RUNX1: variants seen among roughly 807,000 people sequenced by gnomAD.
The protein encoded by RUNX1 is runt-related transcription factor 1.
Under a neutral mutation model 42.8 loss-of-function variants are expected in RUNX1, and 19 were observed. The ratio of observed to expected loss-of-function variants is 0.44; its 90% CI spans 0.31 to 0.65. The LOEUF (loss-of-function observed/expected upper bound fraction) is 0.65, where lower values mean the gene tolerates loss of function less well. Ranked by LOEUF, RUNX1 falls within the 30% of genes least tolerant of loss-of-function variation. RUNX1 has a pLI of 0.07. For missense variants in RUNX1, 528 were observed against 672.0 expected, an observed-to-expected ratio of 0.79 and a Z score of 2.37; for synonymous variants, 271 against 289.4, an observed-to-expected ratio of 0.94 and a Z score of 0.64.
chr21:35,022,548 C>A (rs1337413825), intron 2 of RUNX1, among the ~76,000 whole-genome samples: 1 of 152,172 alleles, frequency 6.6e-6, no homozygotes, highest in African/African-American at 2.4e-5. Flanking sequence ...AGCATTTCCA[C>A]CATTTAGAGA....
chr21:34,963,144 C>G (rs1377326768), intron 2 of RUNX1, among the ~76,000 whole-genome samples: 2 of 152,200 alleles, frequency 1.3e-5, no homozygotes, highest in Non-Finnish European at 2.9e-5. Context: ...CTCAGCCCAG[C>G]AGGCAGCACA....
Position 34,792,697 on chromosome 21 carries a change from G to T in RUNX1, c.968-87C>A. On this transcript the variant is annotated intron_variant, in intron 8 of 8. Coordinates refer to ENST00000675419, the MANE Select transcript of RUNX1 (RefSeq NM_001754.5). This position sits in a 1 kb window ranked among gnomAD's most constrained non-coding sequence, Gnocchi z 6.9. ...TCCCTCTGCCCCAGGGGGCTACCCA[G>T]GATGATACCGCCTAGGAGGATGGGA... 1 of 1,310,916 alleles carries T rather than the reference G, an allele frequency of 7.6e-7. No homozygotes were observed. Among genetic ancestry groups the T allele is most frequent in the Non-Finnish European group, 1.0e-6 (1 of 962,900 alleles). The allele number at this position is 1,310,916 out of a possible 1,614,324, so 81.2% of individuals were successfully genotyped here.
At chr21:34,808,416 C>A (rs527645596) in intron 7 of RUNX1, among the ~76,000 whole-genome samples, 2 of 152,308 alleles carry the variant, frequency 1.3e-5, no homozygotes, top group South Asian at 4.2e-4. Flanking sequence ...CTCTCCACCA[C>A]TCCCTGCTTC....
In RUNX1 at chr21:34,861,298, T is replaced by A. The variant is rs562118515; in HGVS notation, c.509-1720A>T. 3.3e-5 allele frequency among the ~76,000 whole-genome samples: 5 copies of A among 152,256 alleles called. No homozygotes were observed. In the South Asian group the frequency reaches 8.3e-4, roughly 25 times the overall value. On this transcript the variant is annotated intron_variant, in intron 5 of 8. Transcript: ENST00000675419. Reference sequence around the variant, plus strand: ...CAGGCCCAGCAAGCAGGGTATGTGATGTGATGTGGAGGAAGATGCTGCCGC... The same window carrying A: ...CAGGCCCAGCAAGCAGGGTATGTGAAGTGATGTGGAGGAAGATGCTGCCGC...
At chr21:35,023,522 C>A (rs1215182546) in intron 2 of RUNX1, among the ~76,000 whole-genome samples, 1 of 152,218 alleles carries the variant, frequency 6.6e-6, no homozygotes, top group African/African-American at 2.4e-5. Flanking sequence ...ATGACTGTCT[C>A]CTCCCTAGCC....
chr21:35,048,754 C>CATCTCTGCACCGAGGT, intron 2 of RUNX1, 88 bp downstream of exon 2: 1 of 1,085,718 alleles, frequency 9.2e-7, no homozygotes, highest in Admixed American at 1.7e-5. Context: ...GGCACCGAGG[C>CATCTCTGCACCGAGGT]ATCTCTGCAC....
chr21:34,875,350 C>T (rs1193122116), intron 5 of RUNX1, among the ~76,000 whole-genome samples: 1 of 152,194 alleles, frequency 6.6e-6, no homozygotes, highest in African/African-American at 2.4e-5. Flanking sequence ...AAGCTTTTGA[C>T]CTGCCCGTCG....
intron 3 of RUNX1, chr21:34,889,705 C>T: frequency 8.4e-7 from 1 of 1,186,242 alleles, no homozygotes; most frequent in Non-Finnish European, 1.1e-6. Flanking sequence ...CGGCCGCTTC[C>T]CCCTGCGCCG....
At chr21:34,876,538 C>T (rs1339516456) in intron 5 of RUNX1, among the ~76,000 whole-genome samples, 3 of 152,078 alleles carry the variant, frequency 2.0e-5, no homozygotes, top group Non-Finnish European at 2.9e-5. Context: ...AAATGATATA[C>T]GTAATTCTGT....
At chr21:34,957,390 C>G (rs1222586222) in intron 2 of RUNX1, among the ~76,000 whole-genome samples, 1 of 152,184 alleles carries the variant, frequency 6.6e-6, no homozygotes, top group Non-Finnish European at 1.5e-5. Context: ...GTGCCCTTAC[C>G]TGGGGCAAGC....
intron 2 of RUNX1, among the ~76,000 whole-genome samples, chr21:34,937,077 G>A (rs1009433075): frequency 6.6e-6 from 1 of 152,038 alleles, no homozygotes; most frequent in African/African-American, 2.4e-5. Flanking sequence ...ACAGAGGCCT[G>A]GCCTGAAGCA....
intron 2 of RUNX1, among the ~76,000 whole-genome samples, chr21:35,024,353 T>C (rs1055269392): frequency 1.3e-5 from 2 of 152,222 alleles, no homozygotes; most frequent in African/African-American, 2.4e-5. Flanking sequence ...GAAGATGCCA[T>C]GCCAATCTAC....
chr21:34,791,931 AC>A lies in RUNX1; in HGVS notation c.*203del. Reference sequence around the variant, plus strand: ...TCCGCGAGGGCCGGGGCGCCAGCAGACGGCGGCGGCGTGGGCTTCTGGGCGC... The same window carrying A: ...TCCGCGAGGGCCGGGGCGCCAGCAGAGGCGGCGGCGTGGGCTTCTGGGCGC... On this transcript the variant is annotated 3_prime_UTR_variant, in exon 9 of 9. Transcript: ENST00000675419. 1 of 334,216 alleles carries A rather than the reference AC, an allele frequency of 3.0e-6. No individual in the cohort carries two copies. The highest frequency in any genetic ancestry group is 5.6e-6 in the Non-Finnish European group (1 of 177,638). 20.7% of individuals were successfully genotyped at this position (334,216 alleles called of 1,614,324 possible).
intron 2 of RUNX1, among the ~76,000 whole-genome samples, chr21:34,929,345 G>A (rs544959100): frequency 1.3e-5 from 2 of 152,138 alleles, no homozygotes; most frequent in Non-Finnish European, 2.9e-5. Flanking sequence ...GAAATAGCAT[G>A]GCTTTGATAA....
intron 6 of RUNX1, among the ~76,000 whole-genome samples, chr21:34,852,201 A>G (rs1053081032): frequency 1.1e-4 from 16 of 150,896 alleles, no homozygotes; most frequent in Non-Finnish European, 1.9e-4. Flanking sequence ...AAACAAAACA[A>G]CAACCACACA....
chr21:34,901,170 G>C lies in RUNX1; in HGVS notation c.59-8207C>G, dbSNP rs968775382. On this transcript the variant is annotated intron_variant, in intron 2 of 8. Transcript: ENST00000675419. The surrounding 1 kb of genome is among the most constrained non-coding windows in gnomAD (Gnocchi z 4.3). ...CCTACTTGCCTGTGTTGGTTCTTAA[G>C]GGGCTGCTGGGAACCCCTGAAGGTC... is the stretch of plus-strand genomic sequence containing the variant. Among the ~76,000 whole-genome samples the C allele has an allele frequency of 6.6e-6, 1 of 152,010 alleles. No individual in the cohort carries two copies. The highest frequency in any genetic ancestry group is 1.5e-5 in the Non-Finnish European group (1 of 68,000).
intron 2 of RUNX1, among the ~76,000 whole-genome samples, chr21:34,917,665 A>G (rs2058321818): frequency 6.6e-6 from 1 of 152,206 alleles, no homozygotes; most frequent in East Asian, 1.9e-4. Flanking sequence ...ACATAAAGAA[A>G]GCAAGCGAGA....
chr21:34,932,599 T>C (rs967387940), intron 2 of RUNX1, among the ~76,000 whole-genome samples: 1 of 152,226 alleles, frequency 6.6e-6, no homozygotes, highest in Non-Finnish European at 1.5e-5. Context: ...TGTGATACAA[T>C]GTATCATTGA....
chr21:34,872,942 G>C (rs184803128), intron 5 of RUNX1, among the ~76,000 whole-genome samples: 99 of 152,308 alleles, frequency 6.5e-4, no homozygotes, highest in African/African-American at 2.4e-3. Flanking sequence ...AGGGAGACAA[G>C]ATACTGATAA....
Sources: allele counts gnomAD v4.1 joint callset (sites outside exome capture counted in the v4.1 genomes callset), GRCh38; gene constraint gnomAD v4.1.1; non-coding constraint Gnocchi (gnomAD v3.1); transcripts MANE v1.5; gene names NCBI Gene and HGNC (gene_info 2026-07-23, HGNC 2026-07-21).